Variants in PALM2AKAP2 observed in about 807,000 individuals in gnomAD.
PALM2AKAP2 encodes the protein PALM2 and AKAP2 fusion.
A neutral mutation model predicts 71.5 loss-of-function variants in PALM2AKAP2; 37 were observed. That is an observed-to-expected ratio of 0.52 (90% CI 0.40 to 0.68). The LOEUF (loss-of-function observed/expected upper bound fraction) is 0.68. PALM2AKAP2 is among the 30% of genes least tolerant of loss of function. PALM2AKAP2 has a pLI of 0.00. For synonymous variants in PALM2AKAP2, 468 were observed against 478.8 expected (o/e 0.98, Z 0.29); for missense variants, 1,224 against 1,191.8 (o/e 1.03, Z -0.40).
intron 1 of PALM2AKAP2, among the ~76,000 whole-genome samples, chr9:109,711,380 T>A (rs971245208): frequency 4.6e-5 from 7 of 152,258 alleles, no homozygotes; most frequent in Non-Finnish European, 8.8e-5. Flanking sequence ...TCATGAATCA[T>A]GGATGAGAGA....
intron 6 of PALM2AKAP2, among the ~76,000 whole-genome samples, chr9:109,980,928 C>T (rs1832257463): frequency 6.6e-6 from 1 of 152,142 alleles, no homozygotes; most frequent in Non-Finnish European, 1.5e-5. Flanking sequence ...TCCTTGGTAC[C>T]CAGTTGCAGC....
Position 110,042,479 on chromosome 9 carries a change from TA to T in PALM2AKAP2, c.582+26442del, listed in dbSNP as rs1337268567. On this transcript the variant is annotated intron_variant, in intron 7 of 9. Transcript: ENST00000302798. ...AATCCAGAGATGACCTTTTTGCCATTAAGTAAGAACCAGAGATCAGTGAGAA... is the reference window on the plus strand; with the variant it reads ...AATCCAGAGATGACCTTTTTGCCATTAGTAAGAACCAGAGATCAGTGAGAA... Among the ~76,000 whole-genome samples, 5 of 152,224 alleles carry T rather than the reference TA, an allele frequency of 3.3e-5. No individual in the cohort carries two copies. In the South Asian group the frequency reaches 1.0e-3, roughly 32 times the overall value.
chr9:109,807,734 CT>C (rs1369370158), intron 1 of PALM2AKAP2, among the ~76,000 whole-genome samples: 2 of 152,176 alleles, frequency 1.3e-5, no homozygotes, highest in Admixed American at 1.3e-4. Context: ...AATTCACCCC[CT>C]GATATGGTTT....
intron 1 of PALM2AKAP2, among the ~76,000 whole-genome samples, chr9:109,660,544 G>A (rs934545486): frequency 6.0e-5 from 9 of 151,256 alleles, no homozygotes; most frequent in Admixed American, 5.2e-4. Flanking sequence ...TTTTATGGCT[G>A]CATAGTATTC....
At chr9:110,111,086 CTTTTTTTTTTTT>C (rs34958946) in intron 1 of PALM2AKAP2, among the ~76,000 whole-genome samples, 2 of 84,188 alleles carry the variant, frequency 2.4e-5, no homozygotes, top group African/African-American at 4.9e-5. Flanking sequence ...TTTCTTTCTT[CTTTTTTTTTTTT>C]TTTTTTTTTT....
chr9:109,749,246 G>C (rs73657044), intron 1 of PALM2AKAP2, among the ~76,000 whole-genome samples: 2,302 of 152,166 alleles, frequency 0.015, 64 homozygotes, highest in African/African-American at 0.053. Flanking sequence ...GAAGTACCCA[G>C]GTCTCTCACA....
rs545546480 is a variant in PALM2AKAP2 at position 109,892,680 on chromosome 9, G to A, written c.257+11999G>A. On this transcript the variant is annotated intron_variant, in intron 3 of 9. Transcript: ENST00000302798. ...AGTGGTTAGGGGCATGAACATCCGC[G>A]TAATACTTGCTGGGTTCAAGTTCAG... is the stretch of plus-strand genomic sequence containing the variant. 2.3e-4 allele frequency among the ~76,000 whole-genome samples: 35 copies of A among 152,208 alleles called. No homozygotes were observed. In the South Asian group the frequency reaches 2.9e-3, roughly 13 times the overall value.
chr9:109,662,628 C>CT (rs201821797), intron 1 of PALM2AKAP2, among the ~76,000 whole-genome samples: 42,395 of 151,728 alleles, frequency 0.28, 6,645 homozygotes, highest in African/African-American at 0.43. Flanking sequence ...CTAAAATTCT[C>CT]TTTTTTTTGT....
intron 1 of PALM2AKAP2, among the ~76,000 whole-genome samples, chr9:110,125,227 G>A (rs1217667716): frequency 6.6e-6 from 1 of 152,130 alleles, no homozygotes; most frequent in Non-Finnish European, 1.5e-5. Flanking sequence ...GCCCACCTCT[G>A]AATTGCCGAG....
chr9:109,730,821 C>T (rs1358054457), intron 1 of PALM2AKAP2, among the ~76,000 whole-genome samples: 1 of 152,054 alleles, frequency 6.6e-6, no homozygotes, highest in Non-Finnish European at 1.5e-5. Flanking sequence ...CACACCAGAG[C>T]ATATTCCCTA....
chr9:109,783,496 G>A (rs112723655), intron 1 of PALM2AKAP2, among the ~76,000 whole-genome samples: 4,543 of 151,912 alleles, frequency 0.03, 85 homozygotes, highest in Non-Finnish European at 0.034. Flanking sequence ...ATGGGGTTTC[G>A]CCATGTTGCC....
chr9:109,647,987 T>C lies in PALM2AKAP2; in HGVS notation c.5+7121T>C, dbSNP rs140633313. On this transcript the variant is annotated intron_variant, in intron 1 of 6. Transcript: ENST00000374531. ...CCCACCCAAATATCATCTCAAACTG[T>C]AGTCCCCATGTGTTCAGGAAGGGAC... Among the ~76,000 whole-genome samples, 1,017 of 152,344 alleles carry C rather than the reference T, an allele frequency of 6.7e-3. 46 individuals are homozygous for C. Among genetic ancestry groups the C allele is most frequent in the Admixed American group, 0.062 (943 of 15,292 alleles).
chr9:110,014,025 C>T (rs1166433179), intron 6 of PALM2AKAP2, among the ~76,000 whole-genome samples: 1 of 152,174 alleles, frequency 6.6e-6, no homozygotes, highest in Non-Finnish European at 1.5e-5. Flanking sequence ...TAGCTGCTTT[C>T]ACTCTACAAG....
intron 1 of PALM2AKAP2, among the ~76,000 whole-genome samples, chr9:109,816,581 T>C (rs73655513): frequency 0.011 from 1,668 of 152,216 alleles, 31 homozygotes; most frequent in African/African-American, 0.038. Context: ...AGAGTGAAGA[T>C]CAAGGTCATC....
chr9:110,024,294 C>T (rs1397929120), intron 7 of PALM2AKAP2, among the ~76,000 whole-genome samples: 4 of 152,312 alleles, frequency 2.6e-5, no homozygotes, highest in East Asian at 1.9e-4. Context: ...ACCCCATCCC[C>T]AAACAACCAC....
intron 1 of PALM2AKAP2, among the ~76,000 whole-genome samples, chr9:109,761,347 A>T (rs1274119396): frequency 2.0e-5 from 3 of 151,820 alleles, no homozygotes; most frequent in Non-Finnish European, 4.4e-5. Flanking sequence ...TAATGTCTGA[A>T]ACAAGGATAG....
At position 109,881,476 on chromosome 9, in the gene PALM2AKAP2, G is replaced by A. The variant is rs189308035; in HGVS notation, c.257+795G>A. Among the ~76,000 whole-genome samples the A allele has an allele frequency of 1.7e-3, 264 of 152,292 alleles. 3 individuals carry two copies. Among genetic ancestry groups the A allele is most frequent in the African/African-American group, 6.0e-3 (251 of 41,552 alleles). On this transcript the variant is annotated intron_variant, in intron 3 of 9. Coordinates refer to the PALM2AKAP2 transcript ENST00000302798. ...TGAAAACTGTAGTCAACAGTCTTGGGATTGAAATGAAGAGTGTGGAAGTGC... is the reference window on the plus strand; with the variant it reads ...TGAAAACTGTAGTCAACAGTCTTGGAATTGAAATGAAGAGTGTGGAAGTGC...
intron 2 of PALM2AKAP2, among the ~76,000 whole-genome samples, chr9:110,141,227 A>G (rs1026414715): frequency 6.6e-5 from 10 of 152,166 alleles, no homozygotes; most frequent in Admixed American, 2.0e-4. Flanking sequence ...GCAACCCAGT[A>G]TCAATCTCCC....
At chr9:110,007,756 A>G (rs1832811160) in intron 6 of PALM2AKAP2, among the ~76,000 whole-genome samples, 1 of 152,246 alleles carries the variant, frequency 6.6e-6, no homozygotes, top group Admixed American at 6.5e-5. Context: ...ATTGGTGGAA[A>G]GACGTATAAA....
Sources: allele counts gnomAD v4.1 joint callset (sites outside exome capture counted in the v4.1 genomes callset), GRCh38; gene constraint gnomAD v4.1.1; transcripts MANE v1.5; gene names NCBI Gene and HGNC (gene_info 2026-07-23, HGNC 2026-07-21).